Variants in ARRDC1 observed in about 807,000 individuals in gnomAD.
The protein encoded by ARRDC1 is arrestin domain-containing protein 1.
ARRDC1 carries 37 observed loss-of-function variants against 40.1 expected under a neutral mutation model. The observed-to-expected ratio is 0.92, with a 90% CI of 0.71 to 1.21. The LOEUF (loss-of-function observed/expected upper bound fraction) is 1.21. Among genes scored for constraint, ARRDC1 ranks in the 50% most tolerant of loss-of-function variants. ARRDC1 has a pLI of 0.00. For synonymous variants in ARRDC1, 310 were observed against 262.5 expected, an observed-to-expected ratio of 1.18 and a Z score of -1.75; for missense variants, 641 against 581.9, an observed-to-expected ratio of 1.10 and a Z score of -1.04.
In ARRDC1 at chr9:137,614,831, G is replaced by A. The variant is rs777406745; in HGVS notation, c.1068G>A (p.Pro356=). 48 of 1,613,220 alleles carry A rather than the reference G, an allele frequency of 3.0e-5. No homozygotes were observed. The highest frequency in any genetic ancestry group is 3.3e-4 in the Middle Eastern group (2 of 6,060). Residue 356 remains proline, a synonymous_variant, in exon 7 of 8, where the codon CCG becomes CCA. Transcript: ENST00000371421. ...LATLSSVPGA[P]EPCPQDGSPA... is the part of the protein sequence containing the mutation. ...CCTTGAGTTCTGTGCCTGGTGCGCC[G>A]GAGCCCTGCCCTCAGGATGGCAGCC...
At chr9:137,609,232 CATTTATTTATTT>C (rs577449196) in intron 1 of ARRDC1, among the ~76,000 whole-genome samples, 13 of 152,080 alleles carry the variant, frequency 8.5e-5, no homozygotes, top group East Asian at 7.8e-4. Context: ...TGTGTTGAGA[CATTTATTTATTT>C]ATTTATTTAT....
In ARRDC1 at chr9:137,614,392, T is replaced by C; in HGVS notation, c.712T>C (p.Trp238Arg). The C allele has an allele frequency of 1.2e-6, 2 of 1,613,064 alleles. No homozygotes were observed. The highest frequency in any genetic ancestry group is 1.7e-6 in the Non-Finnish European group (2 of 1,179,876). The change falls in exon 6 of 8, where the codon TGG (tryptophan) becomes CGG (arginine). Residue 238 changes from tryptophan (W) to arginine (R), a missense_variant. Physicochemically the swap from Trp to Arg is moderately radical, Grantham distance 101. Transcript: ENST00000371421. ...CGTCAAGGCCTGGCGGCGGGCGCAG[T>C]GGCACGAGCAGATCCTGGTGCCTGC... Reference protein sequence around the residue: ...AGVKAWRRAQWHEQILVPALP... With the variant: ...AGVKAWRRAQRHEQILVPALP...
chr9:137,613,525 TGGACAGGCCTG>T lies in ARRDC1; in HGVS notation c.280+17_280+27del. 5 of 1,613,864 alleles carry T rather than the reference TGGACAGGCCTG, an allele frequency of 3.1e-6. No homozygotes were observed. The highest frequency in any genetic ancestry group is 4.2e-6 in the Non-Finnish European group (5 of 1,179,942). ...CCTGCTTCCTGGTGAGAGCCCAGCC[TGGACAGGCCTG>T]GTGATGACCAACTGGTCCTGGGAGG... On this transcript the variant is annotated intron_variant, in intron 3 of 7. Coordinates refer to ENST00000371421, the MANE Select transcript of ARRDC1 (RefSeq NM_152285.4).
intron 1 of ARRDC1, among the ~76,000 whole-genome samples, chr9:137,608,163 A>G (rs982510136): frequency 2.0e-5 from 3 of 152,046 alleles, no homozygotes; most frequent in African/African-American, 7.2e-5. Flanking sequence ...GTGTATTTTT[A>G]GTAGAGACGG....
chr9:137,615,089 ATGAGC>A lies in ARRDC1; in HGVS notation c.1254_1258del (p.Tyr418Ter). 1 of 1,587,094 alleles carries A rather than the reference ATGAGC, an allele frequency of 6.3e-7. No homozygotes were observed. Among genetic ancestry groups the A allele is most frequent in the Non-Finnish European group, 8.6e-7 (1 of 1,164,654 alleles). On this transcript the variant is annotated stop_gained and frameshift_variant, in exon 8 of 8. Coordinates refer to ENST00000371421, the MANE Select transcript of ARRDC1 (RefSeq NM_152285.4). LOFTEE classifies it high-confidence loss of function. ...CTTCCCGCAGAGGCCCCACCGTCTT[ATGAGC>A]AGAGCTGCGGCGGCGTGGAACCCAG... is the stretch of plus-strand genomic sequence containing the variant.
chr9:137,615,171 T>G lies in ARRDC1; in HGVS notation c.*33T>G, dbSNP rs372586162. On this transcript the variant is annotated 3_prime_UTR_variant, in exon 8 of 8. Coordinates refer to ENST00000371421, the MANE Select transcript of ARRDC1 (RefSeq NM_152285.4). ...CTGCCTTCTCCAGGCAGGCCTGGCC[T>G]CTGCCCTGGGACTGGGGCGCCCAGG... 730 of 1,501,098 alleles carry G rather than the reference T, an allele frequency of 4.9e-4. 1 individual carries two copies. The highest frequency in any genetic ancestry group is 6.0e-4 in the Non-Finnish European group (673 of 1,126,326). 93.0% of individuals were successfully genotyped at this position (1,501,098 alleles called of 1,614,324 possible). A position where few individuals can be genotyped will look rare whatever the true frequency, so the allele number is the denominator to read the frequency against.
Position 137,613,765 on chromosome 9 carries a change from T to C in ARRDC1, c.431T>C (p.Ile144Thr). 2 of 1,614,058 alleles carry C rather than the reference T, an allele frequency of 1.2e-6. No individual in the cohort carries two copies. Among genetic ancestry groups the C allele is most frequent in the Non-Finnish European group, 1.7e-6 (2 of 1,180,008 alleles). ...TTGAACCTGAACAGCATCCCAGACATTGAGGTGAGGATGGCACAGTGACCT... is the reference window on the plus strand; with the variant it reads ...TTGAACCTGAACAGCATCCCAGACACTGAGGTGAGGATGGCACAGTGACCT... ...SPLNLNSIPD[I>T]EQPNVASATK... The change falls in exon 4 of 8, where the codon ATT (isoleucine) becomes ACT (threonine). Residue 144 changes from isoleucine (I) to threonine (T), a missense_variant. Transcript: ENST00000371421.
rs140203982 is a variant in ARRDC1 at position 137,614,693 on chromosome 9, C to A, written c.930C>A (p.Ser310=). Reference sequence around the variant, plus strand: ...GGGCCCCACCCCTGGTGGTGCCTTCCGCACCACCCCAGGAGGAGGCTGAGG... The same window carrying A: ...GGGCCCCACCCCTGGTGGTGCCTTCAGCACCACCCCAGGAGGAGGCTGAGG... The part of the protein sequence containing the change: ...PPGAPPLVVP[S]APPQEEAEAE... The change falls in exon 7 of 8, where the codon TCC becomes TCA. Residue 310 remains serine (S), a synonymous_variant. Coordinates refer to ENST00000371421, the MANE Select transcript of ARRDC1 (RefSeq NM_152285.4). 6.2e-7 allele frequency: 1 copy of A among 1,611,448 alleles called. No individual in the cohort carries two copies. Among genetic ancestry groups the A allele is most frequent in the Non-Finnish European group, 8.5e-7 (1 of 1,179,498 alleles).
At chr9:137,612,250 C>G (rs1053910677) in intron 1 of ARRDC1, 2 of 153,036 alleles carry the variant, frequency 1.3e-5, no homozygotes, top group African/African-American at 2.4e-5. Flanking sequence ...CAGAACAGTG[C>G]CACCTCTGCC....
chr9:137,606,913 G>C (rs957911138), intron 1 of ARRDC1, among the ~76,000 whole-genome samples: 1 of 152,240 alleles, frequency 6.6e-6, no homozygotes, highest in Non-Finnish European at 1.5e-5. Context: ...GCGTGGCCTG[G>C]GGTGAGCAGG....
chr9:137,615,014 C>G lies in ARRDC1; in HGVS notation c.1237+14C>G, dbSNP rs766927533. 7.4e-6 allele frequency: 12 copies of G among 1,612,638 alleles called. No homozygotes were observed. The South Asian group carries it at 1.1e-4, about 15-fold the overall frequency. On this transcript the variant is annotated intron_variant, in intron 7 of 7. Coordinates refer to ENST00000371421, the MANE Select transcript of ARRDC1 (RefSeq NM_152285.4). ...GCTACCCCTATGGTGAGTCGACAGC[C>G]AGGGCTTGGCAGGGAGGGGACGCCA... is the stretch of plus-strand genomic sequence containing the variant.
chr9:137,612,741 T>A (rs1024320211), intron 1 of ARRDC1, 155 bp from the exon 2 acceptor site: 1 of 604,586 alleles, frequency 1.7e-6, no homozygotes, highest in African/African-American at 1.9e-5. Context: ...GATGGGCAGA[T>A]GTCCTCTGAA....
intron 3 of ARRDC1, 50 bp downstream of exon 3, chr9:137,613,560 G>A (rs1232021440): frequency 1.2e-6 from 2 of 1,614,072 alleles, no homozygotes; most frequent in Non-Finnish European, 1.7e-6. Context: ...GGTCCTGGGA[G>A]GTGGGCTCTG....
chr9:137,612,904 G>T lies in ARRDC1; in HGVS notation c.127G>T (p.Val43Leu), dbSNP rs578216404. ...GAPLPFRAIR[V>L]TCIGSCGVSN... ...AGCCATCCCCTTTGCAGCCATCCGG[G>T]TGACCTGCATAGGTTCCTGCGGGGT... The change falls in exon 2 of 8, where the codon GTG (valine) becomes TTG (leucine). Residue 43 changes from valine (V) to leucine (L), a missense_variant. Val to Leu is a conservative substitution (Grantham distance 32, BLOSUM62 1). Coordinates refer to ENST00000371421, the MANE Select transcript of ARRDC1 (RefSeq NM_152285.4). 16 of 1,613,804 alleles carry T rather than the reference G, an allele frequency of 9.9e-6. No homozygotes were observed. Among genetic ancestry groups the T allele is most frequent in the Admixed American group, 3.3e-5 (2 of 59,966 alleles).
rs1842619625 is a variant in ARRDC1, at chr9:137,614,489, G to A, written c.795+14G>A. The stretch of plus-strand genomic sequence containing the variant: ...TACTACTTACAGGTTTGGTGCTGCT[G>A]GGGGCTGGGTGGTCTGAGGCCTAGT... On this transcript the variant is annotated intron_variant, in intron 6 of 7. Transcript: ENST00000371421. 1 of 1,613,084 alleles carries A rather than the reference G, an allele frequency of 6.2e-7. No individual in the cohort carries two copies. The highest frequency in any genetic ancestry group is 1.7e-5 in the Admixed American group (1 of 60,000).
At chr9:137,608,171 C>T (rs1049484920) in intron 1 of ARRDC1, among the ~76,000 whole-genome samples, 1 of 152,178 alleles carries the variant, frequency 6.6e-6, no homozygotes, top group Non-Finnish European at 1.5e-5. Flanking sequence ...TTAGTAGAGA[C>T]GGGGTTTCAC....
chr9:137,612,799 TG>T, intron 1 of ARRDC1, 96 bp from the exon 2 acceptor site: 2 of 871,834 alleles, frequency 2.3e-6, no homozygotes, highest in Non-Finnish European at 3.7e-6. Flanking sequence ...CCTGCCCAGG[TG>T]GTGCTGCTTG....
Position 137,614,898 on chromosome 9 carries a change from G to A in ARRDC1, c.1135G>A (p.Gly379Ser), listed in dbSNP as rs1842639649. 6.2e-7 allele frequency: 1 copy of A among 1,613,706 alleles called. No homozygotes were observed. Among genetic ancestry groups the A allele is most frequent in the South Asian group, 1.1e-5 (1 of 91,094 alleles). ...PLHPPLCIST[G>S]ATVPYFAEGS... ...GCACCCTCCCTTGTGCATTTCAACA[G>A]GTGCCACTGTCCCCTACTTTGCAGA... Residue 379 changes from glycine (G) to serine (S), a missense_variant, in exon 7 of 8, where the codon GGT becomes AGT. By Grantham distance (56) the Gly-to-Ser change is moderately conservative. Coordinates refer to ENST00000371421, the MANE Select transcript of ARRDC1 (RefSeq NM_152285.4).
rs1842409255 is a variant in ARRDC1, at chr9:137,605,686, G to A, written c.-32G>A. The A allele has an allele frequency of 3.1e-6, 4 of 1,289,488 alleles. No individual in the cohort carries two copies. The highest frequency in any genetic ancestry group is 2.0e-5 in the South Asian group (1 of 49,244). The allele number at this position is 1,289,488 out of a possible 1,614,324, so 79.9% of individuals were successfully genotyped here. On this transcript the variant is annotated 5_prime_UTR_variant, in exon 1 of 8. Coordinates refer to ENST00000371421, the MANE Select transcript of ARRDC1 (RefSeq NM_152285.4). ...GGACTCGCGGGCGGCGGGCGGGGGC[G>A]TCGCTGCGCGGCTGGCCGGTGAGGC... is the stretch of plus-strand genomic sequence containing the variant.
Sources: allele counts gnomAD v4.1 joint callset (sites outside exome capture counted in the v4.1 genomes callset), GRCh38; gene constraint gnomAD v4.1.1; transcripts MANE v1.5; gene names NCBI Gene and HGNC (gene_info 2026-07-23, HGNC 2026-07-21).